The following ATP8B1 variants were observed in gnomAD, a reference collection of about 807,000 sequenced individuals.
ATP8B1 encodes the protein ATPase phospholipid transporting 8B1, also known as phospholipid-transporting ATPase IC.
In ATP8B1, 80 loss-of-function variants were observed where a neutral mutation model predicts 149.9. The observed-to-expected ratio is 0.53, with a 90% CI of 0.45 to 0.64. ATP8B1 has a LOEUF of 0.64. ATP8B1 is among the 30% of genes least tolerant of loss of function. The pLI, the probability that ATP8B1 is intolerant of heterozygous loss-of-function variation, is 0.00. For synonymous variants in ATP8B1, 536 were observed against 562.8 expected, an observed-to-expected ratio of 0.95 and a Z score of 0.67; for missense variants, 1,247 against 1,552.6, an observed-to-expected ratio of 0.80 and a Z score of 3.31.
chr18:57,712,263 T>C (rs1913725731), intron 2 of ATP8B1, among the ~76,000 whole-genome samples: 1 of 151,994 alleles, frequency 6.6e-6, no homozygotes, highest in Non-Finnish European at 1.5e-5. Context: ...AAAATAGTCT[T>C]GAATTGCCAA....
At chr18:57,719,843 C>T (rs1306734894) in intron 2 of ATP8B1, among the ~76,000 whole-genome samples, 1 of 152,188 alleles carries the variant, frequency 6.6e-6, no homozygotes, top group East Asian at 1.9e-4. Context: ...CTTAAATGTC[C>T]CTGTCTGACA....
intron 1 of ATP8B1, among the ~76,000 whole-genome samples, chr18:57,792,748 C>T (rs183240173): frequency 5.9e-5 from 9 of 151,810 alleles, no homozygotes; most frequent in Non-Finnish European, 1.3e-4. Flanking sequence ...CTGTATGGTA[C>T]ATGACTTAGA....
intron 2 of ATP8B1, among the ~76,000 whole-genome samples, chr18:57,726,622 C>T (rs1363355527): frequency 6.6e-6 from 1 of 152,158 alleles, no homozygotes; most frequent in Non-Finnish European, 1.5e-5. Flanking sequence ...TGACTTCTAT[C>T]ATTAAAAATC....
In ATP8B1 at chr18:57,674,833, C is replaced by G; in HGVS notation, c.1819+1G>C. Reference sequence around the variant, plus strand: ...ATAGACAGACTCTGAGGGGGACTTACCAATGATAGACATTCGCTTCCGGTC... The same window carrying G: ...ATAGACAGACTCTGAGGGGGACTTAGCAATGATAGACATTCGCTTCCGGTC... On this transcript the variant is annotated splice_donor_variant, in intron 16 of 27. Transcript: ENST00000648908. LOFTEE classifies it high-confidence loss of function. 1 of 1,613,964 alleles carries G rather than the reference C, an allele frequency of 6.2e-7. No individual in the cohort carries two copies. Among genetic ancestry groups the G allele is most frequent in the Non-Finnish European group, 8.5e-7 (1 of 1,179,898 alleles).
intron 1 of ATP8B1, among the ~76,000 whole-genome samples, chr18:57,739,942 TA>T (rs1348619924): frequency 6.6e-6 from 1 of 152,200 alleles, no homozygotes; most frequent in African/African-American, 2.4e-5. Context: ...TTTCTGTACT[TA>T]GGAGGCTTAT....
At chr18:57,698,532 A>C (rs1414827072) in intron 6 of ATP8B1, among the ~76,000 whole-genome samples, 1 of 151,504 alleles carries the variant, frequency 6.6e-6, no homozygotes, top group African/African-American at 2.4e-5. Flanking sequence ...ATGAGTTTTT[A>C]CCATATTGGC....
chr18:57,651,922 C>A (rs552403930), intron 26 of ATP8B1, 112 bp downstream of exon 26: 1 of 1,362,906 alleles, frequency 7.3e-7, no homozygotes, highest in Non-Finnish European at 1.0e-6. Context: ...GTGTGAGCCA[C>A]TGTGCCCAGC....
intron 1 of ATP8B1, among the ~76,000 whole-genome samples, chr18:57,773,976 G>C (rs961666143): frequency 1.3e-5 from 2 of 152,190 alleles, no homozygotes; most frequent in East Asian, 3.8e-4. Flanking sequence ...AAGGTAATCA[G>C]ATGGAGTTAC....
intron 1 of ATP8B1, among the ~76,000 whole-genome samples, chr18:57,761,062 AACATAAAATAAAAT>A (rs1250556560): frequency 7.0e-6 from 1 of 141,952 alleles, no homozygotes; most frequent in African/African-American, 2.7e-5. Context: ...AACATAAAAT[AACATAAAATAAAAT>A]AAATAAAATA....
intron 22 of ATP8B1, among the ~76,000 whole-genome samples, chr18:57,656,495 C>T (rs1251069492): frequency 1.3e-5 from 2 of 151,002 alleles, no homozygotes; most frequent in Non-Finnish European, 2.9e-5. Context: ...AAGCGATACT[C>T]TTGCCTCAGC....
chr18:57,762,207 C>T (rs373814687), intron 1 of ATP8B1, among the ~76,000 whole-genome samples: 12 of 151,316 alleles, frequency 7.9e-5, no homozygotes, highest in South Asian at 4.2e-4. Flanking sequence ...AATGTGATCT[C>T]GGCTCACTGC....
Position 57,731,772 on chromosome 18 carries a change from G to A in ATP8B1, c.36C>T (p.Asp12=), listed in dbSNP as rs771956723. ...CTTCGTCATTAGGCTGAGAATCCTC[G>A]TCAAATGTCGTTTCTGAGTCTCTTT... is the stretch of plus-strand genomic sequence containing the variant. The part of the protein sequence containing the change: ...STERDSETTF[D]EDSQPNDEVV... The change falls in exon 2 of 28, where the codon GAC becomes GAT. Residue 12 remains aspartate, a synonymous_variant. Coordinates refer to ENST00000648908, the MANE Select transcript of ATP8B1 (RefSeq NM_001374385.1). 23 of 1,613,858 alleles carry A rather than the reference G, an allele frequency of 1.4e-5. 1 individual carries two copies. The highest frequency in any genetic ancestry group is 1.1e-4 in the East Asian group (5 of 44,888).
chr18:57,756,192 C>CATATATATATATATATATAT (rs147263393), intron 1 of ATP8B1, among the ~76,000 whole-genome samples: 73 of 84,684 alleles, frequency 8.6e-4, no homozygotes, highest in African/African-American at 2.6e-3. Context: ...ATTTCCACAA[C>CATATATATATATATATATAT]ATATATATAT....
At chr18:57,668,181 A>G (rs2122702258) in intron 19 of ATP8B1, 1 of 1,418,512 alleles carries the variant, frequency 7.0e-7, no homozygotes, top group Non-Finnish European at 9.3e-7. Flanking sequence ...GATAAGACCA[A>G]TTATAATCAG....
rs373831681 is a variant in ATP8B1, at chr18:57,676,596, A to G, written c.1631-1574T>C. Among the ~76,000 whole-genome samples the G allele has an allele frequency of 1.1e-4, 17 of 151,066 alleles. No individual in the cohort carries two copies. The South Asian group carries it at 3.0e-3, about 26-fold the overall frequency. ...TAGCCAGGCATGGTGGCACGTGCCT[A>G]TAGTTCCAGCTACTCGGGAGGCTGA... On this transcript the variant is annotated intron_variant, in intron 15 of 27. Transcript: ENST00000648908.
At chr18:57,758,309 T>C (rs544132655) in intron 1 of ATP8B1, among the ~76,000 whole-genome samples, 2 of 139,372 alleles carry the variant, frequency 1.4e-5, no homozygotes, top group East Asian at 2.0e-4. Context: ...TAATCGACTT[T>C]ACTGTTTTCT....
chr18:57,714,070 AG>A (rs1913878091), intron 2 of ATP8B1, among the ~76,000 whole-genome samples: 1 of 152,164 alleles, frequency 6.6e-6, no homozygotes, highest in Admixed American at 6.5e-5. Context: ...ACTGCCCTGA[AG>A]GGTGACTGAA....
intron 2 of ATP8B1, among the ~76,000 whole-genome samples, chr18:57,724,434 G>A (rs1350055691): frequency 5.3e-5 from 8 of 151,168 alleles, no homozygotes; most frequent in Admixed American, 2.6e-4. Flanking sequence ...TCAAAAAGTG[G>A]GCGAAGGACA....
chr18:57,654,941 C>A (rs1407202732), intron 23 of ATP8B1, among the ~76,000 whole-genome samples: 1 of 151,910 alleles, frequency 6.6e-6, no homozygotes, highest in Non-Finnish European at 1.5e-5. Context: ...CCTGCCTCAG[C>A]CTCCCAAAGT....
Sources: allele counts gnomAD v4.1 joint callset (sites outside exome capture counted in the v4.1 genomes callset), GRCh38; gene constraint gnomAD v4.1.1; transcripts MANE v1.5; gene names NCBI Gene and HGNC (gene_info 2026-07-23, HGNC 2026-07-21).